SNAPIN: variants seen among roughly 807,000 people sequenced by gnomAD.
SNAPIN encodes the protein SNAP associated protein.
A neutral mutation model predicts 15.9 loss-of-function variants in SNAPIN; 16 were observed. The ratio of observed to expected loss-of-function variants is 1.01; its 90% CI spans 0.68 to 1.53. SNAPIN has a LOEUF of 1.53. SNAPIN is among the 40% of genes most tolerant of loss of function. The pLI, the probability that SNAPIN is intolerant of heterozygous loss-of-function variation, is 0.00. For synonymous variants in SNAPIN, 83 were observed against 76.2 expected (o/e 1.09, Z -0.46); for missense variants, 186 against 180.1 (o/e 1.03, Z -0.19).
chr1:153,659,250 A>G (rs947290920), intron 2 of SNAPIN, 66 bp downstream of exon 2: 9 of 1,546,624 alleles, frequency 5.8e-6, no homozygotes, highest in Admixed American at 3.4e-5. Context: ...GTTTTTGCCA[A>G]CCCCTGGGCT....
upstream of SNAPIN, chr1:153,658,695 G>C (rs998725742): frequency 1.3e-6 from 2 of 1,483,490 alleles, no homozygotes; most frequent in Non-Finnish European, 1.8e-6. Flanking sequence ...GCGCGGCTCC[G>C]GTTCCCGGCG....
At position 153,661,388 on chromosome 1, in the gene SNAPIN, C is replaced by G; in HGVS notation, c.*87C>G. ...CATGCAAAGATCCTAGGAGACAGTC[C>G]CCATAGACCTTCAGACATTAAAAAG... is the stretch of plus-strand genomic sequence containing the variant. On this transcript the variant is annotated 3_prime_UTR_variant, in exon 4 of 4. Coordinates refer to ENST00000368685, the MANE Select transcript of SNAPIN (RefSeq NM_012437.6). 1.0e-6 allele frequency: 1 copy of G among 990,384 alleles called. No homozygotes were observed. Among genetic ancestry groups the G allele is most frequent in the Non-Finnish European group, 1.6e-6 (1 of 640,700 alleles). 61.3% of individuals were successfully genotyped at this position (990,384 alleles called of 1,614,324 possible).
chr1:153,660,945 T>G (rs1478905430), intron 3 of SNAPIN, among the ~76,000 whole-genome samples: 1 of 151,998 alleles, frequency 6.6e-6, no homozygotes. Flanking sequence ...TTTTTTTGTA[T>G]TTTTTAGTAG....
chr1:153,660,786 ATTT>A lies in SNAPIN; in HGVS notation c.310-401_310-399del, dbSNP rs34770483. On this transcript the variant is annotated intron_variant, in intron 3 of 3. Coordinates refer to ENST00000368685, the MANE Select transcript of SNAPIN (RefSeq NM_012437.6). ...GGCATGAGCACCATGCCTGGCCTACATTTTTTTTTTTTTTTGAGATGGAGTTCT... is the reference window on the plus strand; with the variant it reads ...GGCATGAGCACCATGCCTGGCCTACATTTTTTTTTTTTGAGATGGAGTTCT... Among the ~76,000 whole-genome samples, 13 of 137,566 alleles carry A rather than the reference ATTT, an allele frequency of 9.5e-5. No homozygotes were observed. The South Asian group carries it at 1.6e-3, about 17-fold the overall frequency. 90.2% of individuals were successfully genotyped at this position (137,566 alleles called of 152,430 possible).
chr1:153,659,060 C>T (rs909152386), intron 1 of SNAPIN, 78 bp from the exon 2 acceptor site: 6 of 1,572,070 alleles, frequency 3.8e-6, no homozygotes, highest in Non-Finnish European at 3.5e-6. Context: ...TCTCTCAGTA[C>T]TTGGTAAATA....
chr1:153,658,768 G>A lies in SNAPIN; in HGVS notation c.25G>A (p.Val9Ile). 6.4e-7 allele frequency: 1 copy of A among 1,574,616 alleles called. No homozygotes were observed. The highest frequency in any genetic ancestry group is 8.6e-7 in the Non-Finnish European group (1 of 1,167,680). The change falls in exon 1 of 4, where the codon GTA becomes ATA. Residue 9 changes from valine to isoleucine, a missense_variant. Val to Ile is a conservative substitution (Grantham distance 29, BLOSUM62 3). Transcript: ENST00000368685. ...GATGGCGGGGGCTGGTTCCGCCGCT[G>A]TATCGGGGGCAGGGACCCCGGTGGC... MAGAGSAA[V>I]SGAGTPVAGP...
At position 153,659,444 on chromosome 1, in the gene SNAPIN, C is replaced by G. The variant is rs1669095546; in HGVS notation, c.191-4C>G. ...TCTTAGCTGCACCTTACTTCCATCC[C>G]CAGAACTGTGCCGCATAAATGAGGA... On this transcript the variant is annotated splice_region_variant and splice_polypyrimidine_tract_variant and intron_variant, in intron 2 of 3. Transcript: ENST00000368685. 2 of 1,610,476 alleles carry G rather than the reference C, an allele frequency of 1.2e-6. No individual in the cohort carries two copies. Among genetic ancestry groups the G allele is most frequent in the African/African-American group, 2.7e-5 (2 of 74,818 alleles).
chr1:153,660,908 C>T (rs1414509299), intron 3 of SNAPIN, among the ~76,000 whole-genome samples: 2 of 151,860 alleles, frequency 1.3e-5, no homozygotes, highest in South Asian at 4.1e-4. Flanking sequence ...CCTCAGATTA[C>T]AAGCACCCGC....
chr1:153,659,067 A>T, intron 1 of SNAPIN, 71 bp from the exon 2 acceptor site: 2 of 1,582,074 alleles, frequency 1.3e-6, no homozygotes, highest in Non-Finnish European at 1.7e-6. Flanking sequence ...GTACTTGGTA[A>T]ATACGTAGGG....
chr1:153,659,348 C>T (rs1669093391), intron 2 of SNAPIN, 100 bp from the exon 3 acceptor site: 19 of 1,239,446 alleles, frequency 1.5e-5, no homozygotes, highest in Non-Finnish European at 2.1e-5. Context: ...GGCTGTGGCC[C>T]GTTTGGGTGC....
At chr1:153,660,993 C>A (rs1422342530) in intron 3 of SNAPIN, among the ~76,000 whole-genome samples, 1 of 151,634 alleles carries the variant, frequency 6.6e-6, no homozygotes, top group Non-Finnish European at 1.5e-5. Context: ...TGGTCTTGAA[C>A]TCCTGACCTC....
At chr1:153,659,010 G>A (rs1199841396) in intron 1 of SNAPIN, 124 bp downstream of exon 1, 63 of 1,561,204 alleles carry the variant, frequency 4.0e-5, no homozygotes, top group Non-Finnish European at 5.3e-5. Flanking sequence ...GGGAGGACAG[G>A]CGGGAAGGCC....
chr1:153,659,049 T>G (rs765893295), intron 1 of SNAPIN, 89 bp from the exon 2 acceptor site: 1 of 1,560,896 alleles, frequency 6.4e-7, no homozygotes, highest in Non-Finnish European at 8.8e-7. Context: ...GGAGGCCGGC[T>G]TCTCTCAGTA....
Position 153,661,359 on chromosome 1 carries a change from C to A in SNAPIN, c.*58C>A. ...CTGTTCCCCAGCTGCCTTGTTTCAA[C>A]AGACATGCAAAGATCCTAGGAGACA... On this transcript the variant is annotated 3_prime_UTR_variant, in exon 4 of 4. Transcript: ENST00000368685. The A allele has an allele frequency of 7.6e-7, 1 of 1,318,236 alleles. No homozygotes were observed. The highest frequency in any genetic ancestry group is 1.1e-6 in the Non-Finnish European group (1 of 918,670). The allele number at this position is 1,318,236 out of a possible 1,614,324, so 81.7% of individuals were successfully genotyped here.
Position 153,659,574 on chromosome 1 carries a change from AAT to A in SNAPIN, c.309+11_309+12del. On this transcript the variant is annotated intron_variant, in intron 3 of 3. Coordinates refer to ENST00000368685, the MANE Select transcript of SNAPIN (RefSeq NM_012437.6). Reference sequence around the variant, plus strand: ...ATTCTACAGAATGCTCAGGTAAAAGAATATCTTACCAACAGTGATTCTTTGCC... The same window carrying A: ...ATTCTACAGAATGCTCAGGTAAAAGAATCTTACCAACAGTGATTCTTTGCC... 1 of 1,580,200 alleles carries A rather than the reference AAT, an allele frequency of 6.3e-7. No individual in the cohort carries two copies. The highest frequency in any genetic ancestry group is 8.7e-7 in the Non-Finnish European group (1 of 1,149,082).
At chr1:153,660,525 G>A (rs919264145) in intron 3 of SNAPIN, among the ~76,000 whole-genome samples, 5 of 151,860 alleles carry the variant, frequency 3.3e-5, no homozygotes, top group Admixed American at 2.0e-4. Flanking sequence ...GCGCATGCCT[G>A]TAATCCCAGC....
rs1557948526 is a variant in SNAPIN, at chr1:153,658,903, T to C, written c.143+17T>C. ...CGCCGTCAGGTGCCCGGGAGGGAAG[T>C]TGGGGGCGGGGCCTGTCTCTCTGGC... On this transcript the variant is annotated intron_variant, in intron 1 of 3. Transcript: ENST00000368685. The C allele has an allele frequency of 1.2e-6, 2 of 1,608,762 alleles. No individual in the cohort carries two copies. The highest frequency in any genetic ancestry group is 1.1e-5 in the South Asian group (1 of 90,836).
Position 153,658,731 on chromosome 1 carries a change from A to C in SNAPIN, c.-13A>C, listed in dbSNP as rs1314153749. 7 of 1,546,936 alleles carry C rather than the reference A, an allele frequency of 4.5e-6. No individual in the cohort carries two copies. The highest frequency in any genetic ancestry group is 6.1e-6 in the Non-Finnish European group (7 of 1,154,708). On this transcript the variant is annotated 5_prime_UTR_variant, in exon 1 of 4. Transcript: ENST00000368685. The stretch of plus-strand genomic sequence containing the variant: ...GCCCTCGCGGCAGGTTTCGGGCTTC[A>C]GGACAATTCGTGATGGCGGGGGCTG...
At position 153,658,818 on chromosome 1, in the gene SNAPIN, C is replaced by T. The variant is rs1348613923; in HGVS notation, c.75C>T (p.Phe25=). 2 of 1,595,138 alleles carry T rather than the reference C, an allele frequency of 1.3e-6. No individual in the cohort carries two copies. Among genetic ancestry groups the T allele is most frequent in the Admixed American group, 1.9e-5 (1 of 53,016 alleles). Residue 25 remains phenylalanine (F), a synonymous_variant, in exon 1 of 4, where the codon TTC becomes TTT. Transcript: ENST00000368685. ...CGGGGCCCACAGGCCGCGACCTTTT[C>T]GCCGAAGGGCTGCTGGAGTTCCTGC... ...PVAGPTGRDL[F]AEGLLEFLRP...
Sources: allele counts gnomAD v4.1 joint callset (sites outside exome capture counted in the v4.1 genomes callset), GRCh38; gene constraint gnomAD v4.1.1; transcripts MANE v1.5; gene names NCBI Gene and HGNC (gene_info 2026-07-23, HGNC 2026-07-21).